The following BLNK variants were observed in gnomAD, a reference collection of about 807,000 sequenced individuals.
BLNK encodes B-cell linker protein.
In BLNK, 29 loss-of-function variants were observed where a neutral mutation model predicts 73.5. That is an observed-to-expected ratio of 0.39 (90% CI 0.29 to 0.54). The LOEUF (loss-of-function observed/expected upper bound fraction) is 0.54, where lower values mean the gene tolerates loss of function less well. Among genes scored for constraint, BLNK ranks in the 20% least tolerant of loss-of-function variants. The probability of loss-of-function intolerance (pLI) is 0.61; values close to 1 mark genes in which losing one functional copy is unlikely to be tolerated. For synonymous variants in BLNK, 176 were observed against 200.8 expected (o/e 0.88, Z 1.04); for missense variants, 460 against 562.8 (o/e 0.82, Z 1.85).
chr10:96,229,707 C>T (rs1842424984), intron 4 of BLNK, among the ~76,000 whole-genome samples: 2 of 148,876 alleles, frequency 1.3e-5, no homozygotes, highest in African/African-American at 5.1e-5. Flanking sequence ...CACGCGCGTG[C>T]GCAGCCAGCA....
At chr10:96,220,562 A>C (rs1042596626) in intron 6 of BLNK, among the ~76,000 whole-genome samples, 3 of 152,206 alleles carry the variant, frequency 2.0e-5, no homozygotes, top group African/African-American at 7.2e-5. Context: ...AAGAACCATC[A>C]CATTTTATGT....
At chr10:96,253,413 C>T (rs1302676722) in intron 1 of BLNK, among the ~76,000 whole-genome samples, 3 of 152,216 alleles carry the variant, frequency 2.0e-5, no homozygotes, top group Middle Eastern at 3.4e-3. Context: ...GAATAAGTGC[C>T]GAATGCCTTG....
chr10:96,223,232 A>G (rs1443628095), intron 6 of BLNK, among the ~76,000 whole-genome samples: 2 of 152,202 alleles, frequency 1.3e-5, no homozygotes, highest in Non-Finnish European at 2.9e-5. Flanking sequence ...AGGGCACTGC[A>G]CAAGCGGACA....
rs782428399 is a variant in BLNK at position 96,223,780 on chromosome 10, A to AC, written c.525+45dup. 2.5e-6 allele frequency: 4 copies of AC among 1,609,446 alleles called. No homozygotes were observed. In the South Asian group the frequency reaches 3.3e-5, roughly 13 times the overall value. The stretch of plus-strand genomic sequence containing the variant: ...GCAGGCTGTCCTGGTCGCTTGCCCC[A>AC]CCCCCCTCTGTGTCCTGGGAAGCCT... On this transcript the variant is annotated intron_variant, in intron 6 of 16. Coordinates refer to ENST00000224337, the MANE Select transcript of BLNK (RefSeq NM_013314.4).
At chr10:96,220,202 G>C (rs587610225) in intron 6 of BLNK, among the ~76,000 whole-genome samples, 1 of 152,244 alleles carries the variant, frequency 6.6e-6, no homozygotes, top group South Asian at 2.1e-4. Flanking sequence ...TCTTGCAAGA[G>C]AGAGAGAGAT....
At position 96,189,811 on chromosome 10, in the gene BLNK, C is replaced by G; in HGVS notation, c.*2162G>C. On this transcript the variant is annotated 3_prime_UTR_variant, in exon 17 of 17. Coordinates refer to ENST00000224337, the MANE Select transcript of BLNK (RefSeq NM_013314.4). ...CAGGGACAGATCACTTTCCAGATAT[C>G]CTTAAGAGTTTCACATCCTCCTCCT... 8.9e-7 allele frequency: 1 copy of G among 1,127,328 alleles called. No homozygotes were observed. The highest frequency in any genetic ancestry group is 1.5e-5 in the African/African-American group (1 of 67,758). 69.8% of individuals were successfully genotyped at this position (1,127,328 alleles called of 1,614,324 possible).
intron 8 of BLNK, among the ~76,000 whole-genome samples, chr10:96,213,863 C>T (rs587663178): frequency 2.6e-5 from 4 of 152,150 alleles, no homozygotes; most frequent in Non-Finnish European, 5.9e-5. Context: ...GCATGTTTGA[C>T]CTTTGTCTCT....
At chr10:96,268,308 A>G (rs1466323681) in intron 1 of BLNK, among the ~76,000 whole-genome samples, 1 of 152,218 alleles carries the variant, frequency 6.6e-6, no homozygotes, top group African/African-American at 2.4e-5. Flanking sequence ...AAATTTTGAA[A>G]TGTTCCCCTA....
rs3835127 is a variant in BLNK at position 96,215,411 on chromosome 10, G to GTATA, written c.608-26_608-23dup. The GTATA allele has an allele frequency of 4.4e-4, 613 of 1,401,946 alleles. 1 individual carries two copies. Among genetic ancestry groups the GTATA allele is most frequent in the African/African-American group, 4.0e-3 (272 of 68,508 alleles). The allele number at this position is 1,401,946 out of a possible 1,614,324, so 86.8% of individuals were successfully genotyped here. A position where few individuals can be genotyped will look rare whatever the true frequency, so the allele number is the denominator to read the frequency against. ...GGAGCTTAAACACAGAAATGTGTGT[G>GTATA]TATATATATATATATATATACATAA... On this transcript the variant is annotated intron_variant, in intron 7 of 16. Transcript: ENST00000224337.
At chr10:96,197,765 C>G (rs1554895049) in intron 15 of BLNK, among the ~76,000 whole-genome samples, 1 of 151,568 alleles carries the variant, frequency 6.6e-6, no homozygotes, top group East Asian at 1.9e-4. Flanking sequence ...GAAAAAAAAT[C>G]CCTAGCCGGG....
At chr10:96,232,541 C>T (rs1554904231) in intron 3 of BLNK, among the ~76,000 whole-genome samples, 4 of 152,062 alleles carry the variant, frequency 2.6e-5, no homozygotes, top group Non-Finnish European at 5.9e-5. Flanking sequence ...ATCGGAGTGG[C>T]CACATTTTAA....
chr10:96,246,951 T>C (rs1843067073), intron 2 of BLNK, 33 bp downstream of exon 2: 1 of 1,457,478 alleles, frequency 6.9e-7, no homozygotes. Context: ...ACTTATTTTA[T>C]ATAATTAAGT....
intron 1 of BLNK, among the ~76,000 whole-genome samples, chr10:96,249,697 G>A (rs1843199283): frequency 6.6e-6 from 1 of 152,228 alleles, no homozygotes; most frequent in Admixed American, 6.5e-5. Context: ...GGGGGTTTGG[G>A]CGATGGCAGG....
At chr10:96,232,092 C>G (rs1430951479) in intron 3 of BLNK, among the ~76,000 whole-genome samples, 1 of 152,234 alleles carries the variant, frequency 6.6e-6, no homozygotes, top group African/African-American at 2.4e-5. Flanking sequence ...TAGCCTATCA[C>G]ATAAACTGAC....
chr10:96,263,802 G>A (rs1340362151), intron 1 of BLNK, among the ~76,000 whole-genome samples: 3 of 152,214 alleles, frequency 2.0e-5, no homozygotes, highest in Admixed American at 1.3e-4. Context: ...ACACAGTGAA[G>A]AGGAGCAACC....
At chr10:96,263,266 C>T (rs543395969) in intron 1 of BLNK, among the ~76,000 whole-genome samples, 5 of 152,344 alleles carry the variant, frequency 3.3e-5, no homozygotes, top group South Asian at 2.1e-4. Context: ...TATGGCCACA[C>T]GCCCAGGAAG....
chr10:96,239,030 T>C, intron 3 of BLNK: 1 of 398,184 alleles, frequency 2.5e-6, no homozygotes, highest in Non-Finnish European at 4.4e-6. Context: ...AGGTTGATGC[T>C]ATCTTGCTGG....
At chr10:96,246,363 A>C (rs1253308808) in intron 2 of BLNK, among the ~76,000 whole-genome samples, 1 of 152,082 alleles carries the variant, frequency 6.6e-6, no homozygotes, top group Non-Finnish European at 1.5e-5. Flanking sequence ...GACCAGCCTG[A>C]CCAACATGAA....
chr10:96,231,637 G>T (rs1202141195), intron 3 of BLNK, among the ~76,000 whole-genome samples: 1 of 152,036 alleles, frequency 6.6e-6, no homozygotes, highest in Non-Finnish European at 1.5e-5. Flanking sequence ...TGAGATGGGA[G>T]GATTGCTTGA....
Sources: gnomAD v4.1 joint callset for allele counts (sites outside exome capture counted in the v4.1 genomes callset) on GRCh38, gnomAD v4.1.1 for gene constraint, MANE v1.5 for transcripts, NCBI Gene and HGNC (gene_info 2026-07-23, HGNC 2026-07-21) for gene names.